Variants in CYP2C19 observed in about 807,000 individuals in gnomAD.
CYP2C19 encodes cytochrome P450 2C19.
CYP2C19 carries 59 observed loss-of-function variants against 40.9 expected under a neutral mutation model. That is an observed-to-expected ratio of 1.44 (90% CI 1.17 to 1.79). The LOEUF is 1.79. Among genes scored for constraint, CYP2C19 ranks in the 40% most tolerant of loss-of-function variants. The pLI, the probability that CYP2C19 is intolerant of heterozygous loss-of-function variation, is 0.00. For missense variants in CYP2C19, 754 were observed against 596.9 expected (o/e 1.26, Z -2.74); for synonymous variants, 253 against 208.7 (o/e 1.21, Z -1.83).
intron 5 of CYP2C19, among the ~76,000 whole-genome samples, chr10:94,797,269 G>T (rs919562348): frequency 4.6e-5 from 7 of 152,078 alleles, no homozygotes; most frequent in African/African-American, 1.7e-4. Flanking sequence ...TTTGTCTTTG[G>T]TTCTGTTTAT....
chr10:94,827,944 GT>G (rs1358695067), intron 6 of CYP2C19, among the ~76,000 whole-genome samples: 2 of 151,768 alleles, frequency 1.3e-5, no homozygotes, highest in Non-Finnish European at 2.9e-5. Context: ...TCAGGAGCAG[GT>G]TGTTCAGTTT....
chr10:94,848,710 C>A (rs1273873755), intron 7 of CYP2C19, among the ~76,000 whole-genome samples: 1 of 152,162 alleles, frequency 6.6e-6, no homozygotes, highest in Non-Finnish European at 1.5e-5. Flanking sequence ...TACCTATGAG[C>A]ATGGAATGTT....
intron 8 of CYP2C19, among the ~76,000 whole-genome samples, chr10:94,851,233 G>C (rs1312601374): frequency 6.6e-6 from 1 of 151,990 alleles, no homozygotes; most frequent in East Asian, 1.9e-4. Context: ...TATTTTCATG[G>C]AAGAGCAGGA....
At chr10:94,828,341 G>A (rs1849265780) in intron 6 of CYP2C19, among the ~76,000 whole-genome samples, 1 of 151,672 alleles carries the variant, frequency 6.6e-6, no homozygotes, top group South Asian at 2.1e-4. Context: ...ATGAATCTTG[G>A]TGCTCCTGTA....
chr10:94,839,237 C>T (rs1849452550), intron 6 of CYP2C19, among the ~76,000 whole-genome samples: 1 of 152,068 alleles, frequency 6.6e-6, no homozygotes, highest in African/African-American at 2.4e-5. Flanking sequence ...AGAAAGGGGC[C>T]CTGGCTGCTG....
intron 5 of CYP2C19, among the ~76,000 whole-genome samples, chr10:94,782,570 G>A (rs1282905409): frequency 6.6e-6 from 1 of 152,084 alleles, no homozygotes; most frequent in Non-Finnish European, 1.5e-5. Context: ...CAAGGATCTA[G>A]AACTAGAAAT....
chr10:94,830,292 C>T (rs532868880), intron 6 of CYP2C19, among the ~76,000 whole-genome samples: 1 of 152,224 alleles, frequency 6.6e-6, no homozygotes, highest in East Asian at 1.9e-4. Context: ...GACTGCTGTG[C>T]TAGCAATTAG....
At chr10:94,823,996 T>C (rs986080521) in intron 6 of CYP2C19, among the ~76,000 whole-genome samples, 2 of 152,142 alleles carry the variant, frequency 1.3e-5, no homozygotes, top group Admixed American at 6.6e-5. Context: ...TGTGACAGAT[T>C]TTATGAGAGT....
Position 94,853,687 on chromosome 10 carries a change from AG to A in CYP2C19, c.*774del, listed in dbSNP as rs1232008295. Among the ~76,000 whole-genome samples the A allele has an allele frequency of 6.6e-6, 1 of 151,824 alleles. No individual in the cohort carries two copies. Among genetic ancestry groups the A allele is most frequent in the Non-Finnish European group, 1.5e-5 (1 of 67,988 alleles). Reference sequence around the variant, plus strand: ...CAGCCTCCTGAGTAGCTGGGATTACAGACACGTGCCACCATGCCTGGCTAAT... The same window carrying A: ...CAGCCTCCTGAGTAGCTGGGATTACAACACGTGCCACCATGCCTGGCTAAT... On this transcript the variant is annotated 3_prime_UTR_variant, in exon 9 of 9. Transcript: ENST00000371321.
chr10:94,809,978 T>G (rs1187343180), intron 5 of CYP2C19, among the ~76,000 whole-genome samples: 1 of 152,118 alleles, frequency 6.6e-6, no homozygotes, highest in African/African-American at 2.4e-5. Context: ...GCCTTTCAGA[T>G]TCAAGTGTTT....
At chr10:94,779,566 CTT>C (rs1554849213) in intron 3 of CYP2C19, among the ~76,000 whole-genome samples, 9 of 142,424 alleles carry the variant, frequency 6.3e-5, no homozygotes, top group African/African-American at 2.3e-4. Flanking sequence ...CTTTTCTTTT[CTT>C]TTTTTTTTTT....
At chr10:94,770,263 G>C (rs899641883) in intron 1 of CYP2C19, among the ~76,000 whole-genome samples, 1 of 152,162 alleles carries the variant, frequency 6.6e-6, no homozygotes, top group African/African-American at 2.4e-5. Flanking sequence ...TGCACTCTGG[G>C]GAAGTGTGCC....
At chr10:94,812,074 T>C (rs1288992881) in intron 5 of CYP2C19, among the ~76,000 whole-genome samples, 1 of 152,224 alleles carries the variant, frequency 6.6e-6, no homozygotes, top group Non-Finnish European at 1.5e-5. Context: ...GGCTTGGTGA[T>C]GACAAAATCC....
rs755017877 is a variant in CYP2C19, at chr10:94,762,923, A to C, written c.168+50A>C. On this transcript the variant is annotated intron_variant, in intron 1 of 8. Coordinates refer to ENST00000371321, the MANE Select transcript of CYP2C19 (RefSeq NM_000769.4). ...GCAAAAGGTAAGTAAATTCACCTGTATTTTTTAAATAAAGTATATCCCTAG... is the reference window on the plus strand; with the variant it reads ...GCAAAAGGTAAGTAAATTCACCTGTCTTTTTTAAATAAAGTATATCCCTAG... 7 of 1,530,720 alleles carry C rather than the reference A, an allele frequency of 4.6e-6. No homozygotes were observed. The Admixed American group carries it at 5.0e-5, about 11-fold the overall frequency. 94.8% of individuals were successfully genotyped at this position (1,530,720 alleles called of 1,614,324 possible).
At chr10:94,817,224 A>G (rs1236550371) in intron 5 of CYP2C19, among the ~76,000 whole-genome samples, 2 of 147,260 alleles carry the variant, frequency 1.4e-5, no homozygotes, top group African/African-American at 2.5e-5. Context: ...ATTTCTCCAC[A>G]TCCTCTCCAG....
intron 5 of CYP2C19, among the ~76,000 whole-genome samples, chr10:94,783,769 T>G (rs1848507029): frequency 6.6e-6 from 1 of 152,104 alleles, no homozygotes; most frequent in South Asian, 2.1e-4. Context: ...TTCAATACTG[T>G]TTTCACTATT....
At position 94,840,661 on chromosome 10, in the gene CYP2C19, A is replaced by T. The variant is rs189548046; in HGVS notation, c.962-2176A>T. On this transcript the variant is annotated intron_variant, in intron 6 of 8. Coordinates refer to ENST00000371321, the MANE Select transcript of CYP2C19 (RefSeq NM_000769.4). ...AGGTAGGGGCGCACGCATGTGTGAC[A>T]GGTGAGTAGAGACTTCTGGCTGCGC... 3.1e-3 allele frequency among the ~76,000 whole-genome samples: 475 copies of T among 152,164 alleles called. 3 individuals carry two copies. The highest frequency in any genetic ancestry group is 0.011 in the African/African-American group (452 of 41,492).
At chr10:94,769,175 C>A (rs1259436494) in intron 1 of CYP2C19, among the ~76,000 whole-genome samples, 2 of 152,060 alleles carry the variant, frequency 1.3e-5, no homozygotes, top group Admixed American at 6.5e-5. Context: ...ACGCCTTGTA[C>A]CCTTGATTAG....
chr10:94,810,179 C>T (rs1217347177), intron 5 of CYP2C19, among the ~76,000 whole-genome samples: 1 of 152,044 alleles, frequency 6.6e-6, no homozygotes, highest in Admixed American at 6.6e-5. Flanking sequence ...GTCGCCCGGC[C>T]TACATTTATT....
Sources: gnomAD v4.1 joint callset for allele counts (sites outside exome capture counted in the v4.1 genomes callset) on GRCh38, gnomAD v4.1.1 for gene constraint, MANE v1.5 for transcripts, NCBI Gene and HGNC (gene_info 2026-07-23, HGNC 2026-07-21) for gene names.